MORC4: variants seen among roughly 807,000 people sequenced by gnomAD.
MORC4 encodes MORC family CW-type zinc finger 4.
Under a neutral mutation model 65.5 loss-of-function variants are expected in MORC4, and 22 were observed. The ratio of observed to expected loss-of-function variants is 0.34; its 90% CI spans 0.24 to 0.48. MORC4 has a LOEUF of 0.48. MORC4 is among the 20% of genes least tolerant of loss of function. MORC4 has a pLI of 0.99. For missense variants in MORC4, 624 were observed against 703.0 expected (o/e 0.89, Z 1.27); for synonymous variants, 267 against 255.8 (o/e 1.04, Z -0.42).
At chrX:106,996,699 A>G (rs1393012497) in intron 2 of MORC4, among the ~76,000 whole-genome samples, 7 of 111,915 alleles carry the variant, frequency 6.3e-5, no homozygotes, top group Admixed American at 5.7e-4. Flanking sequence ...GAAGTGTGCT[A>G]TCAGATGCTG....
At chrX:106,961,177 C>A (rs754170737) in intron 10 of MORC4, among the ~76,000 whole-genome samples, 5 of 112,170 alleles carry the variant, frequency 4.5e-5, no homozygotes, top group South Asian at 7.5e-4. Flanking sequence ...TGAACACCTA[C>A]TATATGCCAG....
intron 3 of MORC4, among the ~76,000 whole-genome samples, chrX:106,992,681 T>C (rs1032617590): frequency 8.9e-6 from 1 of 112,025 alleles, no homozygotes; most frequent in African/African-American, 3.2e-5. Flanking sequence ...TTGCATGGGG[T>C]TTGATTATAC....
At position 106,942,011 on chromosome X, in the gene MORC4, T is replaced by C. The variant is rs1362914073; in HGVS notation, c.2587A>G (p.Thr863Ala). The part of the protein sequence containing the change: ...KQELKEKLKE[T>A]ETHLEMLQKA... ...TGCAGCATTTCCAGGTGTGTCTCTG[T>C]TTCCTTCAGTTTCTCTTTTAACTCT... Residue 863 changes from threonine (T) to alanine (A), a missense_variant, in exon 16 of 17, where the codon ACA becomes GCA. By Grantham distance (58) the Thr-to-Ala change is moderately conservative. Transcript: ENST00000355610. 1 of 1,211,055 alleles carries C rather than the reference T, an allele frequency of 8.3e-7. No homozygotes were observed. Among genetic ancestry groups the C allele is most frequent in the East Asian group, 3.0e-5 (1 of 33,805 alleles).
rs1933716279 is a variant in MORC4, at chrX:106,942,552, T to C, written c.2339A>G (p.Glu780Gly). 8.3e-7 allele frequency: 1 copy of C among 1,209,177 alleles called. No individual in the cohort carries two copies. The highest frequency in any genetic ancestry group is 1.8e-5 in the African/African-American group (1 of 57,119). Residue 780 changes from glutamate (E) to glycine (G), a missense_variant, in exon 15 of 17, where the codon GAA becomes GGA. Transcript: ENST00000355610. Reference protein sequence around the residue: ...EELKRTTEKLERVLAERNLFQ... With the variant: ...EELKRTTEKLGRVLAERNLFQ... ...CAAATTCCTTTCAGCCAAAACACGT[T>C]CCAATTTTTCTGTGGTTCTCTTCAA... is the stretch of plus-strand genomic sequence containing the variant.
chrX:106,979,821 T>A (rs771402293), intron 7 of MORC4, among the ~76,000 whole-genome samples: 2 of 111,043 alleles, frequency 1.8e-5, no homozygotes, highest in East Asian at 5.6e-4. Context: ...ACTGGCTCTG[T>A]TAAACCTATG....
intron 11 of MORC4, 53 bp from the exon 12 acceptor site, chrX:106,957,057 T>G: frequency 1.2e-6 from 1 of 817,241 alleles, no homozygotes; most frequent in Non-Finnish European, 1.8e-6. Flanking sequence ...TCCTTCACTT[T>G]TACCTTTTAA....
At chrX:106,959,301 T>C (rs1001305803) in intron 10 of MORC4, among the ~76,000 whole-genome samples, 1 of 110,954 alleles carries the variant, frequency 9.0e-6, no homozygotes, top group Non-Finnish European at 1.9e-5. Context: ...GTACCTAAGG[T>C]GTAAAAGACA....
At chrX:106,998,866 C>A (rs1042896556) in intron 2 of MORC4, among the ~76,000 whole-genome samples, 13 of 112,204 alleles carry the variant, frequency 1.2e-4, no homozygotes, top group African/African-American at 4.2e-4. Context: ...ATTTGGGGAG[C>A]TTTGAAAACA....
intron 10 of MORC4, 138 bp from the exon 11 acceptor site, chrX:106,958,602 C>A: frequency 4.5e-6 from 2 of 445,728 alleles, no homozygotes; most frequent in Non-Finnish European, 3.5e-6. Flanking sequence ...ATCTTGGTGC[C>A]CAAATGTATA....
intron 4 of MORC4, 99 bp downstream of exon 4, chrX:106,985,884 A>G: frequency 1.5e-6 from 1 of 675,942 alleles, no homozygotes; most frequent in East Asian, 3.3e-5. Context: ...ACCTCTTTTA[A>G]AACTTCTGAC....
intron 14 of MORC4, among the ~76,000 whole-genome samples, chrX:106,945,775 G>T (rs1215289939): frequency 1.8e-5 from 2 of 110,737 alleles, no homozygotes; most frequent in Non-Finnish European, 3.8e-5. Flanking sequence ...TCTGCCCTTT[G>T]TCATATTCCT....
At chrX:106,981,125 T>C in intron 6 of MORC4, 106 bp from the exon 7 acceptor site, 7 of 1,014,606 alleles carry the variant, frequency 6.9e-6, no homozygotes, top group Middle Eastern at 2.7e-4. Flanking sequence ...GGGCAAAGAT[T>C]TGGCTCAGTT....
intron 9 of MORC4, among the ~76,000 whole-genome samples, chrX:106,966,755 C>T (rs1001507684): frequency 5.3e-5 from 6 of 112,616 alleles, no homozygotes; most frequent in African/African-American, 1.3e-4. Context: ...ATTGCTGAGG[C>T]TTGAGTAGGT....
At chrX:106,970,226 C>T (rs1247930896) in intron 9 of MORC4, among the ~76,000 whole-genome samples, 1 of 111,873 alleles carries the variant, frequency 8.9e-6, no homozygotes, top group Non-Finnish European at 1.9e-5. Flanking sequence ...ATGACAAAAA[C>T]GACATGATTA....
In MORC4 at chrX:106,999,895, C is replaced by G; in HGVS notation, c.75G>C (p.Pro25=). The change falls in exon 1 of 17, where the codon CCG becomes CCC. Residue 25 remains proline, a synonymous_variant. Coordinates refer to ENST00000355610, the MANE Select transcript of MORC4 (RefSeq NM_024657.5). ...TGCTCAGGCGGATCCCGAAGGCCTG[C>G]GGGCCGCCGCCGGGCCGGGCCAGCC... The part of the protein sequence containing the change: ...GCGLARPGGG[P]QAFGIRLSTM... The G allele has an allele frequency of 2.4e-6, 2 of 827,569 alleles. No individual in the cohort carries two copies. Among genetic ancestry groups the G allele is most frequent in the South Asian group, 1.2e-4 (2 of 16,110 alleles). The allele number at this position is 827,569 out of a possible 1,213,427, so 68.2% of individuals were successfully genotyped here.
intron 14 of MORC4, among the ~76,000 whole-genome samples, chrX:106,951,995 CAAAAAAAAAAAAAAAAAAAAA>C (rs56864570): frequency 3.2e-5 from 1 of 31,669 alleles, no homozygotes; most frequent in East Asian, 9.0e-4. Context: ...GACTCTGCCG[CAAAAAAAAAAAAAAAAAAAAA>C]AAAAAAAAAG....
chrX:106,999,517 C>T (rs1320458601), intron 2 of MORC4, among the ~76,000 whole-genome samples, 160 bp downstream of exon 2: 1 of 112,025 alleles, frequency 8.9e-6, no homozygotes, highest in Non-Finnish European at 1.9e-5. Flanking sequence ...GGCGAGAGAG[C>T]CATCCCCCTC....
At chrX:106,944,825 A>G (rs1048525094) in intron 14 of MORC4, among the ~76,000 whole-genome samples, 1 of 111,551 alleles carries the variant, frequency 9.0e-6, no homozygotes, top group African/African-American at 3.3e-5. Flanking sequence ...TACATTATCA[A>G]TACTCAAGTT....
At chrX:106,978,223 A>G in intron 7 of MORC4, 24 bp from the exon 8 acceptor site, 2 of 1,188,761 alleles carry the variant, frequency 1.7e-6, no homozygotes, top group Non-Finnish European at 1.1e-6. Flanking sequence ...CGTTAAGGAG[A>G]CAAACATACC....
Sources: gnomAD v4.1 joint callset for allele counts (sites outside exome capture counted in the v4.1 genomes callset) on GRCh38, gnomAD v4.1.1 for gene constraint, MANE v1.5 for transcripts, NCBI Gene and HGNC (gene_info 2026-07-23, HGNC 2026-07-21) for gene names.